Variants in ARPC1A observed in about 807,000 individuals in gnomAD.
ARPC1A encodes actin-related protein 2/3 complex subunit 1A.
A neutral mutation model predicts 46.9 loss-of-function variants in ARPC1A; 8 were observed. That is an observed-to-expected ratio of 0.17 (90% CI 0.10 to 0.31). The LOEUF (loss-of-function observed/expected upper bound fraction) is 0.31, where lower values mean the gene tolerates loss of function less well. Among genes scored for constraint, ARPC1A ranks in the 10% least tolerant of loss-of-function variants. ARPC1A has a pLI of 1.00. For synonymous variants in ARPC1A, 152 were observed against 169.0 expected (o/e 0.90, Z 0.78); for missense variants, 286 against 483.6 (o/e 0.59, Z 3.83).
At chr7:99,339,363 C>T (rs917135474) in intron 3 of ARPC1A, among the ~76,000 whole-genome samples, 1 of 152,094 alleles carries the variant, frequency 6.6e-6, no homozygotes, top group Non-Finnish European at 1.5e-5. Flanking sequence ...GCCTGGGCAA[C>T]ATAATGAGAC....
chr7:99,358,389 G>T lies in ARPC1A; in HGVS notation c.763G>T (p.Val255Phe), dbSNP rs750287772. ...EFLPLLSVSF[V>F]SENSVVAAGH... ...CCTGCCGCTCCTAAGTGTGTCATTT[G>T]TCTCAGAGAACAGCGTCGTGGCTGC... is the stretch of plus-strand genomic sequence containing the variant. Residue 255 changes from valine to phenylalanine, a missense_variant, in exon 7 of 10, where the codon GTC (valine) becomes TTC (phenylalanine). Val to Phe is a conservative substitution (Grantham distance 50, BLOSUM62 -1). Coordinates refer to ENST00000262942, the MANE Select transcript of ARPC1A (RefSeq NM_006409.4). 9 of 1,614,116 alleles carry T rather than the reference G, an allele frequency of 5.6e-6. No individual in the cohort carries two copies. In the Admixed American group the frequency reaches 1.5e-4, roughly 27 times the overall value.
At chr7:99,354,421 C>A (rs1209367546) in intron 6 of ARPC1A, among the ~76,000 whole-genome samples, 1 of 147,898 alleles carries the variant, frequency 6.8e-6, no homozygotes, top group East Asian at 2.1e-4. Context: ...ACTCGGAAGG[C>A]TGAGGCAGAG....
chr7:99,346,011 C>T (rs1457380746), intron 4 of ARPC1A, among the ~76,000 whole-genome samples: 2 of 151,932 alleles, frequency 1.3e-5, no homozygotes, highest in South Asian at 2.1e-4. Context: ...GTCAGGAGTT[C>T]GAGACCAGCC....
At chr7:99,362,332 C>CCCA (rs1446604512) in intron 8 of ARPC1A, among the ~76,000 whole-genome samples, 1 of 148,180 alleles carries the variant, frequency 6.7e-6, no homozygotes, top group Non-Finnish European at 1.5e-5. Context: ...AAAACCCCGC[C>CCCA]CCCCTTTTTT....
intron 1 of ARPC1A, among the ~76,000 whole-genome samples, chr7:99,332,423 A>G (rs994617211): frequency 3.3e-5 from 5 of 152,174 alleles, no homozygotes; most frequent in African/African-American, 1.2e-4. Context: ...GATTTCTTCA[A>G]CGTAAAGGCA....
At chr7:99,363,522 T>G in intron 8 of ARPC1A, 21 bp from the exon 9 acceptor site, 1 of 1,592,102 alleles carries the variant, frequency 6.3e-7, no homozygotes, top group East Asian at 2.2e-5. Context: ...TTACGATCTC[T>G]TTTGCTTTGC....
At chr7:99,353,373 T>C (rs1793578639) in intron 5 of ARPC1A, among the ~76,000 whole-genome samples, 2 of 152,108 alleles carry the variant, frequency 1.3e-5, no homozygotes, top group Admixed American at 6.6e-5. Flanking sequence ...TTAGCCAGGA[T>C]GGTCTCGATC....
chr7:99,359,270 T>G (rs1480943545), intron 7 of ARPC1A, among the ~76,000 whole-genome samples: 1 of 151,874 alleles, frequency 6.6e-6, no homozygotes, highest in Non-Finnish European at 1.5e-5. Context: ...ACCCCGTCTC[T>G]ACTAAAAACA....
At chr7:99,336,591 T>G (rs921130035) in intron 2 of ARPC1A, among the ~76,000 whole-genome samples, 4 of 144,856 alleles carry the variant, frequency 2.8e-5, no homozygotes, top group African/African-American at 7.7e-5. Flanking sequence ...CCTCCTACGA[T>G]CAAGCGATTC....
intron 3 of ARPC1A, among the ~76,000 whole-genome samples, chr7:99,342,587 T>G (rs1278264638): frequency 6.6e-6 from 1 of 152,104 alleles, no homozygotes. Flanking sequence ...CAAAATTATC[T>G]TGTAATGAAT....
chr7:99,326,469 G>A (rs770864700), intron 1 of ARPC1A, among the ~76,000 whole-genome samples: 13 of 152,166 alleles, frequency 8.5e-5, no homozygotes, highest in South Asian at 2.1e-4. Context: ...GAACCTTCTC[G>A]ATCTCGAGAA....
At chr7:99,339,887 A>G in intron 3 of ARPC1A, 1 of 435,990 alleles carries the variant, frequency 2.3e-6, no homozygotes, top group Non-Finnish European at 4.8e-6. Flanking sequence ...CAGTGTTGCC[A>G]GGCCTCATCA....
chr7:99,330,840 A>C (rs1453928583), intron 1 of ARPC1A, among the ~76,000 whole-genome samples: 1 of 152,184 alleles, frequency 6.6e-6, no homozygotes, highest in East Asian at 1.9e-4. Context: ...TGCCTCCTGG[A>C]AATGATAAAG....
At chr7:99,331,057 C>T (rs947232637) in intron 1 of ARPC1A, among the ~76,000 whole-genome samples, 9 of 152,186 alleles carry the variant, frequency 5.9e-5, no homozygotes, top group Admixed American at 2.0e-4. Flanking sequence ...CCTAGATTCA[C>T]CAGTTAGCAT....
At chr7:99,353,844 A>C in intron 5 of ARPC1A, 65 bp from the exon 6 acceptor site, 29 of 1,445,904 alleles carry the variant, frequency 2.0e-5, no homozygotes, top group Non-Finnish European at 2.5e-5. Context: ...GCAGCTGCCT[A>C]TGGCCTGTTT....
chr7:99,336,825 A>G (rs925003488), intron 2 of ARPC1A, among the ~76,000 whole-genome samples: 2 of 151,990 alleles, frequency 1.3e-5, no homozygotes, highest in Non-Finnish European at 1.5e-5. Context: ...TAAGAAACCA[A>G]TAAAAAGAAA....
At chr7:99,346,717 C>T (rs546825861) in intron 4 of ARPC1A, among the ~76,000 whole-genome samples, 5 of 152,276 alleles carry the variant, frequency 3.3e-5, no homozygotes, top group African/African-American at 7.2e-5. Flanking sequence ...CGGTAGCTCA[C>T]GCCTGCAATC....
chr7:99,344,630 C>G (rs61088973), intron 4 of ARPC1A, 115 bp downstream of exon 4: 2 of 1,098,154 alleles, frequency 1.8e-6, no homozygotes, highest in African/African-American at 3.2e-5. Context: ...GGTTTTTTCT[C>G]TGAAATTCTC....
chr7:99,358,664 T>G, intron 7 of ARPC1A: 1 of 420,906 alleles, frequency 2.4e-6, no homozygotes, highest in Non-Finnish European at 4.3e-6. Context: ...CCTCAGCCTC[T>G]CGAGGAACTG....
Sources: gnomAD v4.1 joint callset for allele counts (sites outside exome capture counted in the v4.1 genomes callset) on GRCh38, gnomAD v4.1.1 for gene constraint, MANE v1.5 for transcripts, NCBI Gene and HGNC (gene_info 2026-07-23, HGNC 2026-07-21) for gene names.